Variants in INPP4A observed in about 807,000 individuals in gnomAD.
The protein encoded by INPP4A is inositol polyphosphate-4-phosphatase, type I, 107kD.
Under a neutral mutation model 119.8 loss-of-function variants are expected in INPP4A, and 33 were observed. The observed-to-expected ratio is 0.28, with a 90% CI of 0.21 to 0.37. The LOEUF is 0.37. Among genes scored for constraint, INPP4A ranks in the 10% least tolerant of loss-of-function variants. INPP4A has a pLI of 1.00. For missense variants in INPP4A, 956 were observed against 1,289.9 expected (o/e 0.74, Z 3.97); for synonymous variants, 496 against 500.7 (o/e 0.99, Z 0.12).
At chr2:98,541,616 C>G (rs997963139) in intron 10 of INPP4A, among the ~76,000 whole-genome samples, 2 of 152,276 alleles carry the variant, frequency 1.3e-5, no homozygotes, top group East Asian at 3.9e-4. Flanking sequence ...GGGTATTGCT[C>G]TGTCACCCAG....
At chr2:98,508,062 CCCACTTTGCA>C (rs1356549964) in intron 1 of INPP4A, among the ~76,000 whole-genome samples, 1 of 152,146 alleles carries the variant, frequency 6.6e-6, no homozygotes. Flanking sequence ...ATGTGGGCCG[CCCACTTTGCA>C]TTCTGTCCTG....
At chr2:98,508,855 T>C (rs534261319) in intron 1 of INPP4A, among the ~76,000 whole-genome samples, 1 of 152,232 alleles carries the variant, frequency 6.6e-6, no homozygotes, top group South Asian at 2.1e-4. Context: ...CCTGTTGTCT[T>C]TGTCTGTGGT....
chr2:98,568,856 A>G, intron 22 of INPP4A, 188 bp downstream of exon 22: 1 of 565,334 alleles, frequency 1.8e-6, no homozygotes, highest in Non-Finnish European at 3.2e-6. Context: ...GCCCTCATTC[A>G]TCTCTTTGCT....
At chr2:98,549,335 T>C (rs779156316) in intron 13 of INPP4A, among the ~76,000 whole-genome samples, 47 of 151,932 alleles carry the variant, frequency 3.1e-4, no homozygotes, top group Admixed American at 7.2e-4. Flanking sequence ...TATACAGGAG[T>C]CTTGTGGCTT....
intron 5 of INPP4A, 77 bp downstream of exon 5, chr2:98,533,572 T>A: frequency 4.6e-6 from 4 of 860,836 alleles, no homozygotes; most frequent in Non-Finnish European, 7.9e-6. Context: ...GTTCAGTTAC[T>A]TGTGCATCTG....
intron 13 of INPP4A, 165 bp from the exon 14 acceptor site, chr2:98,552,621 C>A: frequency 2.7e-6 from 2 of 744,984 alleles, no homozygotes; most frequent in Admixed American, 1.8e-5. Context: ...CAGGAAGAAT[C>A]TCCTAAGATA....
At chr2:98,460,799 CAG>C (rs1558873780) in intron 1 of INPP4A, among the ~76,000 whole-genome samples, 1 of 152,130 alleles carries the variant, frequency 6.6e-6, no homozygotes, top group Non-Finnish European at 1.5e-5. Context: ...CCCATGGGGT[CAG>C]GGGTGAAGCT....
Position 98,510,961 on chromosome 2 carries a change from C to T in INPP4A, c.-165-8003C>T, listed in dbSNP as rs149877820. ...AAGCCAGAGATAAATGAACATCTCC[C>T]AGTGAGCACAAGCTCGGGGGCCCTA... is the stretch of plus-strand genomic sequence containing the variant. On this transcript the variant is annotated intron_variant, in intron 1 of 24. Coordinates refer to ENST00000409851, the MANE Select transcript of INPP4A (RefSeq NM_001134225.2). 3.5e-3 allele frequency among the ~76,000 whole-genome samples: 527 copies of T among 152,294 alleles called. 8 individuals are homozygous for T. Among genetic ancestry groups the T allele is most frequent in the African/African-American group, 0.012 (487 of 41,548 alleles).
intron 8 of INPP4A, among the ~76,000 whole-genome samples, chr2:98,538,252 G>C (rs1690705964): frequency 6.6e-6 from 1 of 152,154 alleles, no homozygotes; most frequent in South Asian, 2.1e-4. Context: ...AGCCCTACTG[G>C]AAGAACTGCA....
chr2:98,545,947 C>G, intron 11 of INPP4A, 22 bp from the exon 12 acceptor site: 1 of 1,527,620 alleles, frequency 6.5e-7, no homozygotes, highest in Non-Finnish European at 8.9e-7. Context: ...TGGCCTTTAT[C>G]TTCTCCTATT....
chr2:98,502,760 C>T (rs1259672370), intron 1 of INPP4A, among the ~76,000 whole-genome samples: 1 of 152,204 alleles, frequency 6.6e-6, no homozygotes, highest in African/African-American at 2.4e-5. Flanking sequence ...AGCAGTCTCA[C>T]TACTGCATTG....
chr2:98,458,797 G>A (rs915539035), intron 1 of INPP4A, among the ~76,000 whole-genome samples: 6 of 152,184 alleles, frequency 3.9e-5, no homozygotes, highest in Non-Finnish European at 7.3e-5. Context: ...CAGGGGGGAT[G>A]TGGCTCTGAT....
chr2:98,555,722 G>C lies in INPP4A; in HGVS notation c.1736G>C (p.Arg579Thr). 6.2e-7 allele frequency: 1 copy of C among 1,609,740 alleles called. No individual in the cohort carries two copies. Among genetic ancestry groups the C allele is most frequent in the Non-Finnish European group, 8.5e-7 (1 of 1,177,768 alleles). The change falls in exon 16 of 25, where the codon AGA (arginine) becomes ACA (threonine). Residue 579 changes from arginine (R) to threonine (T), a missense_variant. Around this residue, in one of 2 missense-constraint regions of INPP4A, gnomAD observed 652 missense variants for 797.9 expected, o/e 0.82. Transcript: ENST00000409851. ...GNPDSHAYWI[R>T]PEDPFCDVPS... ...CCGGACAGCCACGCCTACTGGATCA[G>C]ACCAGAAGACCCCTTCTGTGATGTC... is the stretch of plus-strand genomic sequence containing the variant.
At chr2:98,478,913 G>T (rs1339499592) in intron 1 of INPP4A, among the ~76,000 whole-genome samples, 1 of 152,190 alleles carries the variant, frequency 6.6e-6, no homozygotes, top group Non-Finnish European at 1.5e-5. Flanking sequence ...GGAAATAATT[G>T]TGTAAGTCTT....
rs1457092648 is a variant in INPP4A, at chr2:98,581,784, C to T, written c.2786+4641C>T. On this transcript the variant is annotated intron_variant, in intron 24 of 24. Transcript: ENST00000409851. Reference sequence around the variant, plus strand: ...ATCATTATGAAAAATTAATAAGTCACAAGAAAAACAAAAGTGCCAGAACAT... The same window carrying T: ...ATCATTATGAAAAATTAATAAGTCATAAGAAAAACAAAAGTGCCAGAACAT... The T allele has an allele frequency of 1.3e-5, 20 of 1,595,482 alleles. No individual in the cohort carries two copies. In the South Asian group the frequency reaches 2.3e-4, roughly 18 times the overall value.
rs1388906865 is a variant in INPP4A at position 98,570,774 on chromosome 2, T to C, written c.2519-2041T>C. On this transcript the variant is annotated intron_variant, in intron 22 of 24. Coordinates refer to ENST00000409851, the MANE Select transcript of INPP4A (RefSeq NM_001134225.2). This position sits in a 1 kb window ranked among gnomAD's most constrained non-coding sequence, Gnocchi z 4.3. ...AAGGTAGGGACATGAATGGAGGAAA[T>C]ATGCTCAGGTTGGGCAGCCTCAGTC... Among the ~76,000 whole-genome samples the C allele has an allele frequency of 6.6e-6, 1 of 151,846 alleles. No individual in the cohort carries two copies. The highest frequency in any genetic ancestry group is 2.4e-5 in the African/African-American group (1 of 41,314).
At chr2:98,498,531 G>T (rs1682497448) in intron 1 of INPP4A, among the ~76,000 whole-genome samples, 1 of 151,732 alleles carries the variant, frequency 6.6e-6, no homozygotes, top group Non-Finnish European at 1.5e-5. Flanking sequence ...GCAGAAGCAG[G>T]CTCTTCTGGC....
chr2:98,470,463 G>C (rs980175203), intron 1 of INPP4A, among the ~76,000 whole-genome samples: 2 of 152,192 alleles, frequency 1.3e-5, no homozygotes, highest in Non-Finnish European at 1.5e-5. Flanking sequence ...GGCATGGCCC[G>C]CTGGGCTTCG....
In INPP4A at chr2:98,493,418, C is replaced by T. The variant is rs868619898; in HGVS notation, c.-165-25546C>T. Among the ~76,000 whole-genome samples, 74 of 142,880 alleles carry T rather than the reference C, an allele frequency of 5.2e-4. 1 individual carries two copies. Among genetic ancestry groups the T allele is most frequent in the African/African-American group, 1.8e-3 (72 of 39,628 alleles). 93.7% of individuals were successfully genotyped at this position (142,880 alleles called of 152,430 possible). On this transcript the variant is annotated intron_variant, in intron 1 of 24. Coordinates refer to ENST00000409851, the MANE Select transcript of INPP4A (RefSeq NM_001134225.2). ...ATATGTCTGGGTGACTGTTATTTTT[C>T]TATTTCTATTTTTTTTTTTTTTTTT... is the stretch of plus-strand genomic sequence containing the variant.
Sources: gnomAD v4.1 joint callset for allele counts (sites outside exome capture counted in the v4.1 genomes callset) on GRCh38, gnomAD v4.1.1 for gene constraint, gnomAD v4.1.1 regional missense constraint, Gnocchi (gnomAD v3.1) non-coding constraint, MANE v1.5 for transcripts, NCBI Gene and HGNC (gene_info 2026-07-23, HGNC 2026-07-21) for gene names.